Variants in KCNK13 observed in about 807,000 individuals in gnomAD.
The protein encoded by KCNK13 is potassium two pore domain channel subfamily K member 13.
Under a neutral mutation model 23.4 loss-of-function variants are expected in KCNK13, and 12 were observed. That is an observed-to-expected ratio of 0.51 (90% CI 0.33 to 0.83). The LOEUF (loss-of-function observed/expected upper bound fraction) is 0.83. KCNK13 is among the 40% of genes least tolerant of loss of function. The pLI is 0.02. For missense variants in KCNK13, 463 were observed against 556.3 expected (o/e 0.83, Z 1.69); for synonymous variants, 231 against 229.5 (o/e 1.01, Z -0.06).
At chr14:90,069,529 C>T (rs368033592) in intron 1 of KCNK13, among the ~76,000 whole-genome samples, 1 of 145,726 alleles carries the variant, frequency 6.9e-6, no homozygotes, top group African/African-American at 2.5e-5. Flanking sequence ...CTTTGGAAAT[C>T]TTTTTTTTTT....
chr14:90,135,804 G>C (rs1889929367), intron 1 of KCNK13, among the ~76,000 whole-genome samples: 1 of 152,028 alleles, frequency 6.6e-6, no homozygotes, highest in African/African-American at 2.4e-5. Context: ...GGCATTGTTT[G>C]TAGAGTATTA....
intron 1 of KCNK13, among the ~76,000 whole-genome samples, chr14:90,123,752 C>T (rs1242015090): frequency 6.6e-6 from 1 of 152,124 alleles, no homozygotes; most frequent in Non-Finnish European, 1.5e-5. Context: ...CTGACTCAGC[C>T]TCCCATGTAG....
chr14:90,162,120 C>T (rs1890258436), intron 1 of KCNK13, among the ~76,000 whole-genome samples: 1 of 152,124 alleles, frequency 6.6e-6, no homozygotes, highest in Non-Finnish European at 1.5e-5. Context: ...GGCGAGGCTG[C>T]AGTGAGCTGT....
chr14:90,109,102 G>A (rs994756581), intron 1 of KCNK13, among the ~76,000 whole-genome samples: 5 of 151,780 alleles, frequency 3.3e-5, no homozygotes, highest in Non-Finnish European at 7.4e-5. Context: ...GCGTGAACCC[G>A]GGAGGCGGAG....
At chr14:90,077,171 G>A (rs1465278103) in intron 1 of KCNK13, among the ~76,000 whole-genome samples, 1 of 147,852 alleles carries the variant, frequency 6.8e-6, no homozygotes, top group African/African-American at 2.5e-5. Flanking sequence ...CCAGGCTGGA[G>A]TTCAATGGTG....
At chr14:90,100,830 C>T (rs910719783) in intron 1 of KCNK13, among the ~76,000 whole-genome samples, 7 of 151,662 alleles carry the variant, frequency 4.6e-5, no homozygotes, top group Admixed American at 2.6e-4. Flanking sequence ...CAGCTGGGAC[C>T]ACAGGTGTGT....
At chr14:90,115,901 G>C (rs1889671468) in intron 1 of KCNK13, among the ~76,000 whole-genome samples, 1 of 152,214 alleles carries the variant, frequency 6.6e-6, no homozygotes, top group African/African-American at 2.4e-5. Context: ...AACCACTGCT[G>C]TAATGCATGG....
chr14:90,113,946 GAAAA>G (rs1181503246), intron 1 of KCNK13, among the ~76,000 whole-genome samples: 1 of 149,380 alleles, frequency 6.7e-6, no homozygotes, highest in Non-Finnish European at 1.5e-5. Flanking sequence ...AGAAGAAGAA[GAAAA>G]AAAAAGAATG....
chr14:90,137,000 G>A (rs1889945076), intron 1 of KCNK13, among the ~76,000 whole-genome samples: 1 of 151,738 alleles, frequency 6.6e-6, no homozygotes, highest in South Asian at 2.1e-4. Flanking sequence ...TCGCAAAACA[G>A]GCAGTGAGAG....
At chr14:90,172,266 G>A (rs921016094) in intron 1 of KCNK13, among the ~76,000 whole-genome samples, 2 of 149,942 alleles carry the variant, frequency 1.3e-5, no homozygotes, top group South Asian at 2.1e-4. Flanking sequence ...GCAGTGAGCC[G>A]AGATAGTACC....
At chr14:90,174,803 G>A (rs760002432) in intron 1 of KCNK13, among the ~76,000 whole-genome samples, 15 of 151,990 alleles carry the variant, frequency 9.9e-5, no homozygotes, top group South Asian at 4.2e-4. Flanking sequence ...GCAGTGAGCC[G>A]TGATCACACC....
In KCNK13 at chr14:90,182,186, G is replaced by A. The variant is rs568980190; in HGVS notation, c.335-1925G>A. The stretch of plus-strand genomic sequence containing the variant: ...TCTTCCTCTAGTTTCCTGACTACAT[G>A]CTGTTAATTTCTTACCCAAATGCAG... On this transcript the variant is annotated intron_variant, in intron 1 of 1. Transcript: ENST00000282146. Among the ~76,000 whole-genome samples the A allele has an allele frequency of 5.9e-5, 9 of 152,246 alleles. No homozygotes were observed. In the South Asian group the frequency reaches 1.2e-3, roughly 21 times the overall value.
intron 1 of KCNK13, among the ~76,000 whole-genome samples, chr14:90,160,108 A>G (rs1336095288): frequency 6.6e-6 from 1 of 152,202 alleles, no homozygotes; most frequent in Non-Finnish European, 1.5e-5. Flanking sequence ...CAATTTAGAA[A>G]GAGAAATTAC....
At chr14:90,159,437 G>A (rs1024496009) in intron 1 of KCNK13, among the ~76,000 whole-genome samples, 1 of 152,238 alleles carries the variant, frequency 6.6e-6, no homozygotes, top group Non-Finnish European at 1.5e-5. Context: ...CAATCAGGCA[G>A]ATGGCCTGGG....
At chr14:90,070,451 A>G (rs960504595) in intron 1 of KCNK13, among the ~76,000 whole-genome samples, 20 of 152,230 alleles carry the variant, frequency 1.3e-4, no homozygotes, top group African/African-American at 4.6e-4. Flanking sequence ...TGTGTTAATC[A>G]AAGTGTCTGT....
chr14:90,162,428 C>T (rs1890262027), intron 1 of KCNK13, among the ~76,000 whole-genome samples: 1 of 152,112 alleles, frequency 6.6e-6, no homozygotes. Flanking sequence ...GGAAAAAGAT[C>T]ATTGGATTGT....
chr14:90,067,884 C>G (rs1889027049), intron 1 of KCNK13, among the ~76,000 whole-genome samples: 1 of 152,146 alleles, frequency 6.6e-6, no homozygotes, highest in South Asian at 2.1e-4. Flanking sequence ...CTGCATTTGA[C>G]AGAGTCGGGG....
intron 1 of KCNK13, among the ~76,000 whole-genome samples, chr14:90,112,704 C>CT (rs1430995618): frequency 1.3e-5 from 2 of 151,714 alleles, no homozygotes; most frequent in Non-Finnish European, 2.9e-5. Context: ...GGTAAAATTG[C>CT]TTTTTTTAAT....
chr14:90,140,612 C>G (rs1880006011), intron 1 of KCNK13, among the ~76,000 whole-genome samples: 2 of 152,134 alleles, frequency 1.3e-5, no homozygotes, highest in African/African-American at 4.8e-5. Context: ...ATGTTGCGCC[C>G]TTGAAAATCC....
Sources: gnomAD v4.1 joint callset for allele counts (sites outside exome capture counted in the v4.1 genomes callset) on GRCh38, gnomAD v4.1.1 for gene constraint, MANE v1.5 for transcripts, NCBI Gene and HGNC (gene_info 2026-07-23, HGNC 2026-07-21) for gene names.